NMBR: variants seen among roughly 807,000 people sequenced by gnomAD.
NMBR encodes neuromedin-B receptor.
NMBR carries 16 observed loss-of-function variants against 20.5 expected under a neutral mutation model. The observed-to-expected ratio is 0.78, with a 90% CI of 0.53 to 1.19. NMBR has a LOEUF of 1.19. Among genes scored for constraint, NMBR ranks in the 50% most tolerant of loss-of-function variants. The pLI is 0.00. For missense variants in NMBR, 582 were observed against 499.1 expected, an observed-to-expected ratio of 1.17 and a Z score of -1.58; for synonymous variants, 212 against 196.6, an observed-to-expected ratio of 1.08 and a Z score of -0.65.
At chr6:142,094,948 C>T (rs572822483) in intron 1 of NMBR, among the ~76,000 whole-genome samples, 15 of 152,210 alleles carry the variant, frequency 9.9e-5, no homozygotes, top group East Asian at 1.9e-4. Flanking sequence ...ATTTGGTTCT[C>T]TGTTTGTCTG....
At chr6:142,118,194 T>C (rs1476453743) in intron 1 of NMBR, among the ~76,000 whole-genome samples, 1 of 152,006 alleles carries the variant, frequency 6.6e-6, no homozygotes, top group African/African-American at 2.4e-5. Flanking sequence ...TTAACTCCTT[T>C]GGTATTAAAG....
At position 142,087,935 on chromosome 6, in the gene NMBR, C is replaced by T. The variant is rs528304094; in HGVS notation, c.422+302G>A. Among the ~76,000 whole-genome samples the T allele has an allele frequency of 3.9e-5, 6 of 152,286 alleles. No individual in the cohort carries two copies. The East Asian group carries it at 7.7e-4, about 20-fold the overall frequency. On this transcript the variant is annotated intron_variant, in intron 2 of 3. Coordinates refer to ENST00000258042, the MANE Select transcript of NMBR (RefSeq NM_002511.4). ...GCTCTTTTGCATGTTTATTCTATAGCTTTTCTATGAAATAATATTCCCTAA... is the reference window on the plus strand; with the variant it reads ...GCTCTTTTGCATGTTTATTCTATAGTTTTTCTATGAAATAATATTCCCTAA...
rs1777263416 is a variant in NMBR, at chr6:142,088,931, GTCTTTGTTCCGTAT to G, written c.-287_-274del. 1 of 381,348 alleles carries G rather than the reference GTCTTTGTTCCGTAT, an allele frequency of 2.6e-6. No individual in the cohort carries two copies. The highest frequency in any genetic ancestry group is 4.0e-5 in the Admixed American group (1 of 24,804). The allele number at this position is 381,348 out of a possible 1,614,324, so 23.6% of individuals were successfully genotyped here. ...AAAAAAAAAAAAGCAAAGCGGTTGC[GTCTTTGTTCCGTAT>G]TCAGTGGTTTGTTCTCGCGGTTATC... On this transcript the variant is annotated 5_prime_UTR_variant, in exon 2 of 4. Coordinates refer to ENST00000258042, the MANE Select transcript of NMBR (RefSeq NM_002511.4).
At chr6:142,127,950 C>T (rs540792312) in intron 1 of NMBR, among the ~76,000 whole-genome samples, 8 of 151,910 alleles carry the variant, frequency 5.3e-5, no homozygotes, top group African/African-American at 1.9e-4. Flanking sequence ...GATAATTTTA[C>T]TTCTTTTTTT....
intron 1 of NMBR, among the ~76,000 whole-genome samples, chr6:142,111,019 C>A (rs1777754118): frequency 6.6e-6 from 1 of 152,102 alleles, no homozygotes; most frequent in Admixed American, 6.6e-5. Context: ...GCGCATGGAT[C>A]ACTTGAGGCC....
At chr6:142,120,511 C>T (rs954654170) in intron 1 of NMBR, among the ~76,000 whole-genome samples, 22 of 151,830 alleles carry the variant, frequency 1.4e-4, no homozygotes, top group African/African-American at 5.3e-4. Context: ...CTACTTGAGG[C>T]TCTGAGTATT....
chr6:142,092,402 T>C (rs910632877), intron 1 of NMBR, among the ~76,000 whole-genome samples: 1 of 152,132 alleles, frequency 6.6e-6, no homozygotes, highest in Non-Finnish European at 1.5e-5. Context: ...TGTAGTATTA[T>C]AATTCTAGTG....
At chr6:142,108,721 G>C (rs1777703938) in intron 1 of NMBR, among the ~76,000 whole-genome samples, 1 of 152,088 alleles carries the variant, frequency 6.6e-6, no homozygotes, top group Non-Finnish European at 1.5e-5. Context: ...GATGGGGACA[G>C]AGCCACACCA....
At chr6:142,139,594 G>A (rs1466009826) in intron 1 of NMBR, among the ~76,000 whole-genome samples, 3 of 152,148 alleles carry the variant, frequency 2.0e-5, no homozygotes, top group Admixed American at 6.6e-5. Context: ...AACTGACAAG[G>A]TGGAAGGATG....
intron 2 of NMBR, among the ~76,000 whole-genome samples, chr6:142,085,095 G>A (rs1405010827): frequency 2.0e-5 from 3 of 152,102 alleles, no homozygotes; most frequent in Non-Finnish European, 4.4e-5. Context: ...TTCATACCAT[G>A]CACTGTCTCT....
chr6:142,128,877 T>A (rs2114604689), intron 1 of NMBR, among the ~76,000 whole-genome samples: 2 of 151,728 alleles, frequency 1.3e-5, no homozygotes, highest in African/African-American at 4.8e-5. Context: ...CTTCATAAAT[T>A]GAGTTTGGCA....
chr6:142,133,728 G>A (rs1164649902), intron 1 of NMBR: 1 of 521,540 alleles, frequency 1.9e-6, no homozygotes, highest in Non-Finnish European at 3.4e-6. Context: ...ATCTCTAAGG[G>A]TCTATTTGGC....
intron 1 of NMBR, among the ~76,000 whole-genome samples, chr6:142,121,721 C>G (rs925803297): frequency 2.0e-5 from 3 of 150,390 alleles, no homozygotes; most frequent in African/African-American, 7.3e-5. Flanking sequence ...TACGCTAAAA[C>G]ATACTTTAAA....
rs78749908 is a variant in NMBR at position 142,087,240 on chromosome 6, C to T, written c.422+997G>A. 1.4e-3 allele frequency among the ~76,000 whole-genome samples: 219 copies of T among 152,262 alleles called. 1 individual carries two copies. Among genetic ancestry groups the T allele is most frequent in the African/African-American group, 5.2e-3 (216 of 41,568 alleles). ...GAAATTCAGATACAGACTTATTTTT[C>T]ATTAGCAATTGAATATGTAAATTAA... On this transcript the variant is annotated intron_variant, in intron 2 of 3. Coordinates refer to ENST00000258042, the MANE Select transcript of NMBR (RefSeq NM_002511.4).
At chr6:142,127,936 CAG>C (rs1379698716) in intron 1 of NMBR, among the ~76,000 whole-genome samples, 9 of 151,984 alleles carry the variant, frequency 5.9e-5, no homozygotes, top group Non-Finnish European at 1.3e-4. Context: ...TATCTGCAAA[CAG>C]AGATAATTTT....
chr6:142,140,884 A>T (rs966325590), intron 1 of NMBR, among the ~76,000 whole-genome samples: 1 of 152,190 alleles, frequency 6.6e-6, no homozygotes, highest in Non-Finnish European at 1.5e-5. Flanking sequence ...ATCAGGAAGC[A>T]TAATAGTTGT....
At chr6:142,136,242 G>T (rs1778252053) in intron 1 of NMBR, among the ~76,000 whole-genome samples, 1 of 152,122 alleles carries the variant, frequency 6.6e-6, no homozygotes, top group Non-Finnish European at 1.5e-5. Flanking sequence ...TTCTCTGATG[G>T]CCAGTGATGA....
intron 1 of NMBR, among the ~76,000 whole-genome samples, chr6:142,114,528 C>T (rs1777818765): frequency 6.6e-6 from 1 of 152,044 alleles, no homozygotes; most frequent in Non-Finnish European, 1.5e-5. Context: ...TATTTCATGT[C>T]AGCATGTGCC....
intron 1 of NMBR, among the ~76,000 whole-genome samples, chr6:142,139,561 C>T (rs149123350): frequency 6.6e-6 from 1 of 152,320 alleles, no homozygotes; most frequent in East Asian, 1.9e-4. Context: ...CTTCCTCGGC[C>T]TCCCTGAGCT....
Sources: allele counts gnomAD v4.1 joint callset (sites outside exome capture counted in the v4.1 genomes callset), GRCh38; gene constraint gnomAD v4.1.1; transcripts MANE v1.5; gene names NCBI Gene and HGNC (gene_info 2026-07-23, HGNC 2026-07-21).